The following PTPRK variants were observed in gnomAD, a reference collection of about 807,000 sequenced individuals.
PTPRK encodes the protein protein tyrosine phosphatase receptor type K.
In PTPRK, 75 loss-of-function variants were observed where a neutral mutation model predicts 178.0. The ratio of observed to expected loss-of-function variants is 0.42; its 90% CI spans 0.35 to 0.51. The LOEUF (loss-of-function observed/expected upper bound fraction) is 0.51, where lower values mean the gene tolerates loss of function less well. Ranked by LOEUF, PTPRK falls within the 20% of genes least tolerant of loss-of-function variation. The probability of loss-of-function intolerance (pLI) is 0.02; values close to 1 mark genes in which losing one functional copy is unlikely to be tolerated. For synonymous variants in PTPRK, 637 were observed against 620.6 expected, an observed-to-expected ratio of 1.03 and a Z score of -0.39; for missense variants, 1,441 against 1,797.8, an observed-to-expected ratio of 0.80 and a Z score of 3.59.
chr6:128,345,138 C>T (rs1306902864), intron 2 of PTPRK, among the ~76,000 whole-genome samples: 1 of 151,418 alleles, frequency 6.6e-6, no homozygotes, highest in Non-Finnish European at 1.5e-5. Context: ...CAAGTTTTTC[C>T]ACTTATATAT....
intron 1 of PTPRK, among the ~76,000 whole-genome samples, chr6:128,483,458 C>T (rs1402618783): frequency 1.3e-5 from 2 of 151,892 alleles, no homozygotes; most frequent in Admixed American, 1.3e-4. Context: ...TTTGATTTTT[C>T]ATTTCCTTTT....
At chr6:128,083,874 G>C (rs754831749) in intron 8 of PTPRK, 50 bp from the exon 9 acceptor site, 2 of 990,204 alleles carry the variant, frequency 2.0e-6, no homozygotes, top group Non-Finnish European at 2.9e-6. Flanking sequence ...ATTAGAAACA[G>C]AAAAAGTAAA....
intron 4 of PTPRK, among the ~76,000 whole-genome samples, chr6:128,240,641 A>G (rs1814247534): frequency 6.6e-6 from 1 of 152,202 alleles, no homozygotes; most frequent in Non-Finnish European, 1.5e-5. Flanking sequence ...AAAAAACATC[A>G]ATAGTTATAA....
chr6:128,214,910 G>C (rs1333514166), intron 6 of PTPRK, among the ~76,000 whole-genome samples: 1 of 152,128 alleles, frequency 6.6e-6, no homozygotes, highest in Non-Finnish European at 1.5e-5. Context: ...CCTGAGTAAG[G>C]TTAGGTAAAG....
intron 11 of PTPRK, among the ~76,000 whole-genome samples, chr6:128,068,368 G>A (rs186635097): frequency 2.6e-5 from 4 of 152,278 alleles, no homozygotes; most frequent in South Asian, 2.1e-4. Flanking sequence ...GCGGCAATAC[G>A]GGCACAGATG....
intron 13 of PTPRK, among the ~76,000 whole-genome samples, chr6:128,026,035 T>C (rs1401985211): frequency 5.3e-5 from 8 of 152,200 alleles, no homozygotes; most frequent in Non-Finnish European, 1.2e-4. Flanking sequence ...TTCCAATGTA[T>C]TTTTAAACAG....
intron 1 of PTPRK, among the ~76,000 whole-genome samples, chr6:128,474,097 T>A (rs1406194640): frequency 1.3e-5 from 2 of 152,012 alleles, no homozygotes; most frequent in South Asian, 2.1e-4. Flanking sequence ...TCACTGCCAG[T>A]GTTTTGCTAG....
intron 18 of PTPRK, among the ~76,000 whole-genome samples, chr6:127,993,459 A>C (rs11154433): frequency 0.26 from 39,083 of 151,362 alleles, 6,250 homozygotes; most frequent in East Asian, 0.43. Context: ...AGTTGTAAAA[A>C]TGTTGATGAT....
At chr6:128,074,522 A>T (rs1015146137) in intron 11 of PTPRK, among the ~76,000 whole-genome samples, 1 of 152,086 alleles carries the variant, frequency 6.6e-6, no homozygotes, top group Non-Finnish European at 1.5e-5. Flanking sequence ...TATTCTAGGG[A>T]ATTGATTCTA....
chr6:128,482,463 A>C (rs1450415600), intron 1 of PTPRK, among the ~76,000 whole-genome samples: 1 of 152,178 alleles, frequency 6.6e-6, no homozygotes, highest in Non-Finnish European at 1.5e-5. Context: ...GAAAAGAAGG[A>C]CTAGAAACAG....
chr6:128,007,780 G>A (rs1399131763), intron 14 of PTPRK, among the ~76,000 whole-genome samples: 3 of 150,930 alleles, frequency 2.0e-5, no homozygotes, highest in African/African-American at 7.3e-5. Context: ...ACATTGTGAA[G>A]CAATGTTTAG....
rs140506806 is a variant in PTPRK at position 128,127,520 on chromosome 6, T to A, written c.1163-37528A>T. On this transcript the variant is annotated intron_variant, in intron 7 of 29. Coordinates refer to ENST00000368226, the MANE Select transcript of PTPRK (RefSeq NM_002844.4). ...GACCCTATATGCACTGTATTAGCTT[T>A]ATACCTAAACAATTACAACAGCGAT... is the stretch of plus-strand genomic sequence containing the variant. Among the ~76,000 whole-genome samples, 4 of 152,346 alleles carry A rather than the reference T, an allele frequency of 2.6e-5. No homozygotes were observed. In the East Asian group the frequency reaches 7.7e-4, roughly 29 times the overall value.
chr6:128,145,256 A>G (rs1365430449), intron 7 of PTPRK, among the ~76,000 whole-genome samples: 1 of 151,906 alleles, frequency 6.6e-6, no homozygotes, highest in Non-Finnish European at 1.5e-5. Flanking sequence ...TATCACACGC[A>G]CACACACACA....
chr6:128,038,253 A>G (rs1483172439), intron 13 of PTPRK, among the ~76,000 whole-genome samples: 1 of 152,064 alleles, frequency 6.6e-6, no homozygotes, highest in Non-Finnish European at 1.5e-5. Context: ...ATTTTTTATG[A>G]TTGTGATGAC....
At chr6:128,250,453 ACAGT>A (rs1396875330) in intron 3 of PTPRK, among the ~76,000 whole-genome samples, 6 of 152,206 alleles carry the variant, frequency 3.9e-5, no homozygotes, top group African/African-American at 1.4e-4. Flanking sequence ...AATCCTGTTG[ACAGT>A]CAGGGCTCAA....
At chr6:128,514,370 ATGTGTGTG>A (rs146438569) in intron 1 of PTPRK, among the ~76,000 whole-genome samples, 11 of 148,370 alleles carry the variant, frequency 7.4e-5, no homozygotes, top group East Asian at 4.0e-4. Flanking sequence ...CATTGTTAAG[ATGTGTGTG>A]TGTGTGTGTG....
At chr6:128,494,201 TAAAA>T (rs11301155) in intron 1 of PTPRK, among the ~76,000 whole-genome samples, 1 of 112,942 alleles carries the variant, frequency 8.9e-6, no homozygotes. Context: ...CCCTGTATCT[TAAAA>T]AAAAAAAAAA....
At chr6:127,994,191 T>C (rs1350622177) in intron 18 of PTPRK, among the ~76,000 whole-genome samples, 1 of 151,738 alleles carries the variant, frequency 6.6e-6, no homozygotes, top group Non-Finnish European at 1.5e-5. Flanking sequence ...TTCATAACTC[T>C]AAAATGTGAA....
chr6:128,202,532 T>C (rs1027193241), intron 6 of PTPRK, among the ~76,000 whole-genome samples: 2 of 152,072 alleles, frequency 1.3e-5, no homozygotes, highest in Non-Finnish European at 2.9e-5. Context: ...AGCCAAGCAG[T>C]GTTGTTCTGC....
Sources: gnomAD v4.1 joint callset for allele counts (sites outside exome capture counted in the v4.1 genomes callset) on GRCh38, gnomAD v4.1.1 for gene constraint, MANE v1.5 for transcripts, NCBI Gene and HGNC (gene_info 2026-07-23, HGNC 2026-07-21) for gene names.